DOCK2: variants seen among roughly 807,000 people sequenced by gnomAD.
DOCK2 encodes dedicator of cytokinesis protein 2.
In DOCK2, 87 loss-of-function variants were observed where a neutral mutation model predicts 248.9. The ratio of observed to expected loss-of-function variants is 0.35; its 90% CI spans 0.29 to 0.42. The LOEUF (loss-of-function observed/expected upper bound fraction) is 0.42. Ranked by LOEUF, DOCK2 falls within the 10% of genes least tolerant of loss-of-function variation. DOCK2 has a pLI of 1.00. For synonymous variants in DOCK2, 805 were observed against 821.6 expected, an observed-to-expected ratio of 0.98 and a Z score of 0.35; for missense variants, 1,747 against 2,300.2, an observed-to-expected ratio of 0.76 and a Z score of 4.92.
At chr5:169,956,866 A>C (rs1374445442) in intron 27 of DOCK2, among the ~76,000 whole-genome samples, 2 of 152,160 alleles carry the variant, frequency 1.3e-5, no homozygotes, top group Non-Finnish European at 2.9e-5. Context: ...CATCAAATAT[A>C]AGGAAAATGT....
chr5:169,649,747 C>G (rs1757694789), intron 1 of DOCK2, among the ~76,000 whole-genome samples: 1 of 151,990 alleles, frequency 6.6e-6, no homozygotes, highest in Admixed American at 6.5e-5. Flanking sequence ...AGAGTAATAA[C>G]TTGAGGTTAC....
intron 44 of DOCK2, among the ~76,000 whole-genome samples, chr5:170,066,914 C>CCTCT (rs1213409028): frequency 6.6e-6 from 1 of 152,198 alleles, no homozygotes; most frequent in African/African-American, 2.4e-5. Flanking sequence ...TGTTTGCCGA[C>CCTCT]CTCTACTTTA....
chr5:169,946,753 G>T (rs1181589327), intron 27 of DOCK2, among the ~76,000 whole-genome samples: 1 of 152,218 alleles, frequency 6.6e-6, no homozygotes, highest in East Asian at 1.9e-4. Context: ...TAGGCAATCT[G>T]AAAGTCACAC....
At position 169,702,752 on chromosome 5, in the gene DOCK2, C is replaced by T. The variant is rs143833411; in HGVS notation, c.1383+325C>T. On this transcript the variant is annotated intron_variant, in intron 14 of 51. Coordinates refer to ENST00000520908, the MANE Select transcript of DOCK2 (RefSeq NM_004946.3). ...TCTCAGCTTATAGGTTAGCTTTCTG[C>T]AGTTAAAATGTTCTCACTGAAACCT... 5.8e-3 allele frequency: 1,002 copies of T among 173,640 alleles called. 8 individuals are homozygous for T. The highest frequency in any genetic ancestry group is 8.5e-3 in the Non-Finnish European group (690 of 81,454). The allele number at this position is 173,640 out of a possible 1,614,324, so 10.8% of individuals were successfully genotyped here.
chr5:169,887,075 G>C (rs1773014916), intron 27 of DOCK2, among the ~76,000 whole-genome samples: 3 of 152,132 alleles, frequency 2.0e-5, no homozygotes. Flanking sequence ...CTGTCATTTG[G>C]ACCCACAGAC....
At chr5:169,658,126 A>T (rs886476884) in intron 2 of DOCK2, among the ~76,000 whole-genome samples, 1 of 152,218 alleles carries the variant, frequency 6.6e-6, no homozygotes, top group African/African-American at 2.4e-5. Flanking sequence ...CTTTTTAGTG[A>T]TAAAGAAACA....
intron 20 of DOCK2, 62 bp from the exon 21 acceptor site, chr5:169,717,322 G>A: frequency 1.4e-6 from 2 of 1,403,646 alleles, no homozygotes; most frequent in South Asian, 1.2e-5. Flanking sequence ...ATTATGCCAG[G>A]TAAAGATGGC....
At chr5:169,903,682 G>T (rs1457292493) in intron 27 of DOCK2, among the ~76,000 whole-genome samples, 1 of 152,122 alleles carries the variant, frequency 6.6e-6, no homozygotes, top group Non-Finnish European at 1.5e-5. Context: ...TTCCTAGAGG[G>T]TCGAACTTAC....
chr5:169,658,972 C>G (rs898667949), intron 2 of DOCK2, among the ~76,000 whole-genome samples: 1 of 147,364 alleles, frequency 6.8e-6, no homozygotes, highest in Non-Finnish European at 1.5e-5. Flanking sequence ...TTCCAATCTA[C>G]AAGACTGCAT....
intron 44 of DOCK2, among the ~76,000 whole-genome samples, chr5:170,066,882 T>C (rs1757509855): frequency 6.6e-6 from 1 of 152,222 alleles, no homozygotes; most frequent in Non-Finnish European, 1.5e-5. Flanking sequence ...AAATATTTAC[T>C]ATCTGGCCCT....
chr5:169,992,689 T>C (rs1377088414), intron 29 of DOCK2, among the ~76,000 whole-genome samples: 7 of 152,106 alleles, frequency 4.6e-5, no homozygotes, highest in African/African-American at 1.2e-4. Context: ...AGTCTCGAAC[T>C]CCTGACCTCA....
intron 14 of DOCK2, chr5:169,702,677 G>GTATC: frequency 5.0e-6 from 1 of 198,480 alleles, no homozygotes. Context: ...CTTCTTGTAT[G>GTATC]TATGTATGTA....
intron 27 of DOCK2, among the ~76,000 whole-genome samples, chr5:169,934,135 G>A (rs1775881525): frequency 6.6e-6 from 1 of 152,300 alleles, no homozygotes; most frequent in African/African-American, 2.4e-5. Context: ...GCTGAGGCAG[G>A]GGGTTGAGTG....
At chr5:169,956,886 T>A (rs375858174) in intron 27 of DOCK2, among the ~76,000 whole-genome samples, 1 of 152,144 alleles carries the variant, frequency 6.6e-6, no homozygotes, top group Non-Finnish European at 1.5e-5. Context: ...TGTAGGATGT[T>A]TCTGTATTGG....
chr5:169,848,493 A>T (rs753600519), intron 27 of DOCK2, among the ~76,000 whole-genome samples: 12 of 152,200 alleles, frequency 7.9e-5, no homozygotes, highest in Non-Finnish European at 1.8e-4. Context: ...TCCCTGGCTG[A>T]TGCATCCTGT....
intron 26 of DOCK2, among the ~76,000 whole-genome samples, chr5:169,838,890 T>G (rs1443849294): frequency 6.6e-6 from 1 of 152,150 alleles, no homozygotes; most frequent in South Asian, 2.1e-4. Flanking sequence ...CCACTGAAAG[T>G]CATTGGGGCA....
chr5:169,743,102 AG>A (rs1172232278), intron 22 of DOCK2, among the ~76,000 whole-genome samples: 2 of 152,260 alleles, frequency 1.3e-5, no homozygotes, highest in Non-Finnish European at 2.9e-5. Context: ...CTTGACTTCA[AG>A]GCCACATCTG....
intron 15 of DOCK2, 100 bp downstream of exon 15, chr5:169,708,367 C>A: frequency 1.7e-6 from 2 of 1,167,362 alleles, no homozygotes; most frequent in Non-Finnish European, 2.5e-6. Context: ...TTGCTTACAA[C>A]AGCCGTGTGA....
At chr5:170,005,067 TAA>T (rs33958422) in intron 30 of DOCK2, among the ~76,000 whole-genome samples, 6,099 of 137,912 alleles carry the variant, frequency 0.044, 196 homozygotes, top group East Asian at 0.12. Flanking sequence ...TAAAGTATAA[TAA>T]AAAAAAAAAA....
Sources: allele counts gnomAD v4.1 joint callset (sites outside exome capture counted in the v4.1 genomes callset), GRCh38; gene constraint gnomAD v4.1.1; transcripts MANE v1.5; gene names NCBI Gene and HGNC (gene_info 2026-07-23, HGNC 2026-07-21).